SYNE1: variants seen among roughly 807,000 people sequenced by gnomAD.
SYNE1 encodes nesprin-1.
Under a neutral mutation model 1,111.0 loss-of-function variants are expected in SYNE1, and 616 were observed. The ratio of observed to expected loss-of-function variants is 0.55; its 90% confidence interval spans 0.52 to 0.59. SYNE1 has a LOEUF of 0.59. SYNE1 is among the 20% of genes least tolerant of loss of function. The pLI is 0.00. For missense variants in SYNE1, 10,006 were observed against 10,417.0 expected (o/e 0.96, Z 1.72); for synonymous variants, 3,855 against 3,825.8 (o/e 1.01, Z -0.28).
chr6:152,358,483 C>A lies in SYNE1; in HGVS notation c.10498G>T (p.Asp3500Tyr), dbSNP rs1591001292. ...LVRLHQEYQR[D>Y]LKAFEVWLGQ... ...AACCAAACTTCAAATGCCTTTAGGT[C>A]TCTCTGATACTCTTGGTGCAGGCGG... The change falls in exon 66 of 146, where the codon GAC becomes TAC. Residue 3500 changes from aspartate to tyrosine, a missense_variant. Asp to Tyr is a radical substitution (Grantham distance 160). This residue lies in a region of SYNE1 where 4,955 missense variants were observed against 5,017.2 expected (regional missense o/e 0.99). Coordinates refer to ENST00000367255, the MANE Select transcript of SYNE1 (RefSeq NM_182961.4). The A allele has an allele frequency of 6.2e-7, 1 of 1,614,182 alleles. No homozygotes were observed. The highest frequency in any genetic ancestry group is 8.5e-7 in the Non-Finnish European group (1 of 1,180,026).
rs1041082155 is a variant in SYNE1 at position 152,390,773 on chromosome 6, A to T, written c.8005-321T>A. 2.6e-5 allele frequency among the ~76,000 whole-genome samples: 4 copies of T among 152,218 alleles called. 1 individual carries two copies. The East Asian group carries it at 7.7e-4, about 29-fold the overall frequency. Reference sequence around the variant, plus strand: ...AAGACACATCTGTCTAAAACCCAGCAGTCCCCTACATTAATTGGCTGGCTA... The same window carrying T: ...AAGACACATCTGTCTAAAACCCAGCTGTCCCCTACATTAATTGGCTGGCTA... On this transcript the variant is annotated intron_variant, in intron 52 of 145. Coordinates refer to ENST00000367255, the MANE Select transcript of SYNE1 (RefSeq NM_182961.4).
At position 152,219,171 on chromosome 6, in the gene SYNE1, T is replaced by C. The variant is rs375826346; in HGVS notation, c.21876A>G (p.Gly7292=). ...WIQDCNDLLK[G]LGTVKDSLFF... ...AGAGGGAATCTTTAACTGTGCCCAG[T>C]CCTTTGAGGAGGTCCTAGAAGAGGT... The change falls in exon 120 of 146, where the codon GGA becomes GGG. Residue 7292 remains glycine (G), a synonymous_variant. Coordinates refer to ENST00000367255, the MANE Select transcript of SYNE1 (RefSeq NM_182961.4). 2.4e-5 allele frequency: 39 copies of C among 1,613,926 alleles called. 4 individuals are homozygous for C. The Admixed American group carries it at 3.0e-4, about 12-fold the overall frequency.
chr6:152,552,568 G>A (rs1020259915), intron 3 of SYNE1, among the ~76,000 whole-genome samples: 4 of 151,956 alleles, frequency 2.6e-5, no homozygotes, highest in Non-Finnish European at 5.9e-5. Context: ...CGTAAAGAGA[G>A]CTACAATTTT....
intron 96 of SYNE1, among the ~76,000 whole-genome samples, chr6:152,282,208 C>T (rs1328061616): frequency 6.6e-6 from 1 of 151,970 alleles, no homozygotes; most frequent in Non-Finnish European, 1.5e-5. Context: ...TAATGTGTAC[C>T]TAGAGTTGAA....
intron 8 of SYNE1, among the ~76,000 whole-genome samples, chr6:152,508,252 C>G (rs1228082425): frequency 1.3e-5 from 2 of 152,124 alleles, no homozygotes; most frequent in Non-Finnish European, 2.9e-5. Flanking sequence ...AAGTCATCGC[C>G]CCAAACCTCT....
chr6:152,612,180 G>C (rs909532053), intron 3 of SYNE1, among the ~76,000 whole-genome samples: 1 of 151,502 alleles, frequency 6.6e-6, no homozygotes, highest in African/African-American at 2.4e-5. Flanking sequence ...GAAACAAAAA[G>C]CCCTTCAAAA....
intron 87 of SYNE1, 33 bp from the exon 88 acceptor site, chr6:152,310,906 CG>C: frequency 1.2e-6 from 2 of 1,603,798 alleles, no homozygotes; most frequent in South Asian, 1.1e-5. Flanking sequence ...ATGACATTGA[CG>C]GGCAGGTAGA....
chr6:152,489,886 G>A (rs2098961206), intron 11 of SYNE1, among the ~76,000 whole-genome samples: 1 of 152,074 alleles, frequency 6.6e-6, no homozygotes, highest in Non-Finnish European at 1.5e-5. Context: ...GTGGATGTGG[G>A]GTAGAGCCAA....
At chr6:152,558,851 G>A (rs2099384418) in intron 3 of SYNE1, among the ~76,000 whole-genome samples, 1 of 151,962 alleles carries the variant, frequency 6.6e-6, no homozygotes, top group Non-Finnish European at 1.5e-5. Context: ...TGTAACAGAT[G>A]TATATAGAAT....
intron 98 of SYNE1, among the ~76,000 whole-genome samples, chr6:152,270,261 A>G (rs1449405547): frequency 6.6e-6 from 1 of 152,214 alleles, no homozygotes; most frequent in Non-Finnish European, 1.5e-5. Context: ...AGAACCATCA[A>G]TTAGCACATT....
intron 122 of SYNE1, among the ~76,000 whole-genome samples, chr6:152,214,458 T>G (rs2078183643): frequency 6.6e-6 from 1 of 152,226 alleles, no homozygotes; most frequent in South Asian, 2.1e-4. Flanking sequence ...ATTCTATTGA[T>G]ACATTGGTGC....
intron 61 of SYNE1, chr6:152,367,854 A>G (rs1279104191): frequency 1.0e-5 from 2 of 194,822 alleles, no homozygotes; most frequent in African/African-American, 4.7e-5. Flanking sequence ...ATTATAGGTT[A>G]TATCTAACAC....
chr6:152,570,918 A>T (rs2099450720), intron 3 of SYNE1, among the ~76,000 whole-genome samples: 1 of 152,182 alleles, frequency 6.6e-6, no homozygotes, highest in Admixed American at 6.5e-5. Flanking sequence ...AGGCAGCCAG[A>T]TGCGGAGGAA....
chr6:152,521,546 T>C lies in SYNE1; in HGVS notation c.226-1004A>G, dbSNP rs77638208. 9.4e-3 allele frequency among the ~76,000 whole-genome samples: 1,432 copies of C among 152,306 alleles called. 26 individuals carry two copies. Among genetic ancestry groups the C allele is most frequent in the African/African-American group, 0.033 (1,377 of 41,556 alleles). ...GATACCTTAAACATACTTTTTTCAA[T>C]TGAATATATGTAAAATGTATATGTA... On this transcript the variant is annotated intron_variant, in intron 5 of 145. Coordinates refer to ENST00000367255, the MANE Select transcript of SYNE1 (RefSeq NM_182961.4).
At chr6:152,192,078 T>A (rs944489530) in intron 127 of SYNE1, among the ~76,000 whole-genome samples, 2 of 152,238 alleles carry the variant, frequency 1.3e-5, no homozygotes, top group Admixed American at 1.3e-4. Context: ...ACTATTGATT[T>A]CTAGTTTTAT....
At chr6:152,412,886 C>T (rs1342745550) in intron 42 of SYNE1, among the ~76,000 whole-genome samples, 1 of 129,260 alleles carries the variant, frequency 7.7e-6, no homozygotes, top group Non-Finnish European at 1.6e-5. Flanking sequence ...GAGTCTTGCT[C>T]TGTCTTCCAG....
chr6:152,539,214 A>G (rs1422588804), intron 4 of SYNE1, among the ~76,000 whole-genome samples: 1 of 152,160 alleles, frequency 6.6e-6, no homozygotes, highest in Admixed American at 6.5e-5. Flanking sequence ...CCACTATATA[A>G]TCATATAGAC....
intron 50 of SYNE1, 91 bp from the exon 51 acceptor site, chr6:152,395,762 G>T: frequency 1.5e-6 from 2 of 1,374,734 alleles, no homozygotes; most frequent in Non-Finnish European, 1.0e-6. Flanking sequence ...CTTTTAAATG[G>T]CAATTAAGAC....
rs761782331 is a variant in SYNE1, at chr6:152,416,374, G to A, written c.6050+13C>T. On this transcript the variant is annotated intron_variant, in intron 41 of 145. Coordinates refer to ENST00000367255, the MANE Select transcript of SYNE1 (RefSeq NM_182961.4). ...AGAAAAGAGACAAGTGGCCGTGACA[G>A]TTTCCTATTTACCTCTGCTGAAGAG... is the stretch of plus-strand genomic sequence containing the variant. 6.2e-7 allele frequency: 1 copy of A among 1,613,582 alleles called. No individual in the cohort carries two copies. Among genetic ancestry groups the A allele is most frequent in the South Asian group, 1.1e-5 (1 of 91,090 alleles).
Sources: allele counts gnomAD v4.1 joint callset (sites outside exome capture counted in the v4.1 genomes callset), GRCh38; gene constraint gnomAD v4.1.1; regional missense constraint gnomAD v4.1.1; transcripts MANE v1.5; gene names NCBI Gene and HGNC (gene_info 2026-07-23, HGNC 2026-07-21).